Variants in SLC22A5 observed in about 807,000 individuals in gnomAD.
SLC22A5 encodes the protein solute carrier family 22 member 5.
Under a neutral mutation model 56.7 loss-of-function variants are expected in SLC22A5, and 44 were observed. The observed-to-expected ratio is 0.78, with a 90% CI of 0.61 to 1.00. The LOEUF is 1.00. Ranked by LOEUF, SLC22A5 falls within the 50% of genes least tolerant of loss-of-function variation. The probability of loss-of-function intolerance (pLI) is 0.00; values close to 1 mark genes in which losing one functional copy is unlikely to be tolerated. For synonymous variants in SLC22A5, 278 were observed against 292.1 expected (o/e 0.95, Z 0.49); for missense variants, 675 against 723.0 (o/e 0.93, Z 0.76).
chr5:132,374,860 G>A (rs1580874097), intron 1 of SLC22A5, among the ~76,000 whole-genome samples: 2 of 152,134 alleles, frequency 1.3e-5, no homozygotes, highest in Admixed American at 1.3e-4. Flanking sequence ...TTCAAGACCA[G>A]CCTGGTCAAC....
At position 132,385,467 on chromosome 5, in the gene SLC22A5, G is replaced by A. The variant is rs771014732; in HGVS notation, c.792G>A (p.Thr264=). 23 of 1,614,054 alleles carry A rather than the reference G, an allele frequency of 1.4e-5. No individual in the cohort carries two copies. The East Asian group carries it at 1.8e-4, about 13-fold the overall frequency. ...RDWRMLLVAL[T]MPGVLCVALW... ...GGCGGATGCTGCTGGTGGCGCTGAC[G>A]ATGCCGGGGGTGCTATGCGTGGCAC... The change falls in exon 4 of 10, where the codon ACG becomes ACA. Residue 264 remains threonine (T), a synonymous_variant. Transcript: ENST00000245407.
intron 2 of SLC22A5, 70 bp downstream of exon 2, chr5:132,378,551 A>G: frequency 8.9e-7 from 1 of 1,122,564 alleles, no homozygotes; most frequent in African/African-American, 1.5e-5. Flanking sequence ...CTGGCCCTTG[A>G]TTTCAGTTGG....
In SLC22A5 at chr5:132,369,929, G is replaced by T. The variant is rs990685127; in HGVS notation, c.-44G>T. 6.2e-7 allele frequency: 1 copy of T among 1,606,806 alleles called. No individual in the cohort carries two copies. Among genetic ancestry groups the T allele is most frequent in the Non-Finnish European group, 8.5e-7 (1 of 1,177,422 alleles). On this transcript the variant is annotated 5_prime_UTR_variant, in exon 1 of 10. Coordinates refer to ENST00000245407, the MANE Select transcript of SLC22A5 (RefSeq NM_003060.4). ...CGCGCGCACGCGCAAAGCCCGCCGCGTTCCCCGACCCCAGGCCGCGCTCTG... is the reference window on the plus strand; with the variant it reads ...CGCGCGCACGCGCAAAGCCCGCCGCTTTCCCCGACCCCAGGCCGCGCTCTG...
chr5:132,395,391 G>T lies in SLC22A5; in HGVS notation c.*1119G>T, dbSNP rs1467762404. 6.6e-6 allele frequency: 1 copy of T among 152,582 alleles called. No individual in the cohort carries two copies. Among genetic ancestry groups the T allele is most frequent in the African/African-American group, 2.4e-5 (1 of 41,374 alleles). The allele number at this position is 152,582 out of a possible 1,614,324, so 9.5% of individuals were successfully genotyped here. The stretch of plus-strand genomic sequence containing the variant: ...ATATTACAAAAAAGAAATTTAAATT[G>T]TGTTCATAGTCTTTCAGAGTAGCTC... On this transcript the variant is annotated 3_prime_UTR_variant, in exon 10 of 10. Coordinates refer to ENST00000245407, the MANE Select transcript of SLC22A5 (RefSeq NM_003060.4).
At chr5:132,374,267 G>A (rs184753270) in intron 1 of SLC22A5, among the ~76,000 whole-genome samples, 4 of 151,548 alleles carry the variant, frequency 2.6e-5, no homozygotes, top group African/African-American at 7.2e-5. Context: ...GCTCTGCATC[G>A]CCTTGCTCTC....
In SLC22A5 at chr5:132,392,537, G is replaced by C; in HGVS notation, c.1372G>C (p.Val458Leu). 1 of 1,614,146 alleles carries C rather than the reference G, an allele frequency of 6.2e-7. No individual in the cohort carries two copies. Among genetic ancestry groups the C allele is most frequent in the Non-Finnish European group, 8.5e-7 (1 of 1,180,006 alleles). ...VYTAELYPTV[V>L]RNMGVGVSST... ...CACAGCCGAGCTGTATCCCACAGTG[G>C]TGAGAAACATGGGTGTGGGAGTCAG... is the stretch of plus-strand genomic sequence containing the variant. The change falls in exon 8 of 10, where the codon GTG becomes CTG. Residue 458 changes from valine (V) to leucine (L), a missense_variant. Coordinates refer to ENST00000245407, the MANE Select transcript of SLC22A5 (RefSeq NM_003060.4).
intron 1 of SLC22A5, chr5:132,375,998 A>G (rs968674315): frequency 6.6e-6 from 1 of 152,226 alleles, no homozygotes; most frequent in Admixed American, 6.5e-5. Flanking sequence ...GCCAGGAGCT[A>G]AGGAATGCTA....
chr5:132,383,162 A>G (rs184342410), intron 2 of SLC22A5: 1 of 152,472 alleles, frequency 6.6e-6, no homozygotes, highest in East Asian at 1.9e-4. Context: ...CATCCCAATT[A>G]CAGCATCCTC....
chr5:132,392,674 G>A, intron 8 of SLC22A5, 59 bp downstream of exon 8: 2 of 1,454,390 alleles, frequency 1.4e-6, no homozygotes, highest in Non-Finnish European at 1.9e-6. Context: ...TAACTGGCTT[G>A]AATGTGAGCT....
chr5:132,375,854 G>A (rs186337883), intron 1 of SLC22A5, among the ~76,000 whole-genome samples: 25 of 152,266 alleles, frequency 1.6e-4, no homozygotes, highest in African/African-American at 5.1e-4. Context: ...CATTAGACTC[G>A]TGACCCAAAT....
intron 5 of SLC22A5, 152 bp from the exon 6 acceptor site, chr5:132,388,769 C>T (rs1752611801): frequency 2.9e-6 from 2 of 681,712 alleles, no homozygotes; most frequent in Admixed American, 4.1e-5. Context: ...CAGCCTAAAA[C>T]ACAGTCAGTA....
rs952539300 is a variant in SLC22A5, at chr5:132,378,577, G to A, written c.497+96G>A. Reference sequence around the variant, plus strand: ...TTTCAGTTGGTAGTATTCTTTCAGCGCAGGGCCCTGTATTTTAAAGAAGAG... The same window carrying A: ...TTTCAGTTGGTAGTATTCTTTCAGCACAGGGCCCTGTATTTTAAAGAAGAG... On this transcript the variant is annotated intron_variant, in intron 2 of 9. Transcript: ENST00000245407. 57 of 893,302 alleles carry A rather than the reference G, an allele frequency of 6.4e-5. 1 individual carries two copies. The Middle Eastern group carries it at 9.2e-4, about 14-fold the overall frequency. The allele number at this position is 893,302 out of a possible 1,614,324, so 55.3% of individuals were successfully genotyped here.
At chr5:132,386,384 C>T (rs984591349) in intron 4 of SLC22A5, among the ~76,000 whole-genome samples, 3 of 152,056 alleles carry the variant, frequency 2.0e-5, no homozygotes, top group East Asian at 1.9e-4. Context: ...CCTGCCACCA[C>T]ACTTGGCTAA....
intron 6 of SLC22A5, 33 bp from the exon 7 acceptor site, chr5:132,390,657 G>A (rs1351828156): frequency 6.7e-7 from 1 of 1,486,264 alleles, no homozygotes; most frequent in South Asian, 1.1e-5. Flanking sequence ...TGTGGATACT[G>A]CTTTTCCAGC....
At chr5:132,373,249 A>G (rs1316212111) in intron 1 of SLC22A5, among the ~76,000 whole-genome samples, 2 of 152,234 alleles carry the variant, frequency 1.3e-5, no homozygotes, top group East Asian at 1.9e-4. Flanking sequence ...TTTAAAGGAA[A>G]TGTGACTCCC....
chr5:132,384,440 C>A, intron 3 of SLC22A5, 139 bp downstream of exon 3: 1 of 932,240 alleles, frequency 1.1e-6, no homozygotes, highest in East Asian at 2.5e-5. Context: ...TCCTGGTGAA[C>A]CTTACTTACA....
At position 132,383,764 on chromosome 5, in the gene SLC22A5, T is replaced by C. The variant is rs1752428002; in HGVS notation, c.498-383T>C. 8 of 269,266 alleles carry C rather than the reference T, an allele frequency of 3.0e-5. No homozygotes were observed. In the South Asian group the frequency reaches 3.5e-4, roughly 12 times the overall value. The allele number at this position is 269,266 out of a possible 1,614,324, so 16.7% of individuals were successfully genotyped here. ...AGGAAAATCAGGACAAATGTTTCTT[T>C]CTCTTTATTTGCCAGTTTTCATTTA... On this transcript the variant is annotated intron_variant, in intron 2 of 9. Transcript: ENST00000245407.
chr5:132,386,958 C>A, intron 4 of SLC22A5, 67 bp from the exon 5 acceptor site: 1 of 1,560,882 alleles, frequency 6.4e-7, no homozygotes, highest in Non-Finnish European at 8.8e-7. Flanking sequence ...TATGGCTGTG[C>A]TCTACCTGGT....
At chr5:132,390,015 G>C (rs1752648417) in intron 6 of SLC22A5, 1 of 161,126 alleles carries the variant, frequency 6.2e-6, no homozygotes, top group Non-Finnish European at 1.4e-5. Context: ...AATCCATAAA[G>C]GTCTGGTTTG....
Sources: gnomAD v4.1 joint callset for allele counts (sites outside exome capture counted in the v4.1 genomes callset) on GRCh38, gnomAD v4.1.1 for gene constraint, MANE v1.5 for transcripts, NCBI Gene and HGNC (gene_info 2026-07-23, HGNC 2026-07-21) for gene names.